RAB11FIP3: variants seen among roughly 807,000 people sequenced by gnomAD.
RAB11FIP3 encodes rab11 family-interacting protein 3.
RAB11FIP3 carries 17 observed loss-of-function variants against 77.8 expected under a neutral mutation model. The ratio of observed to expected loss-of-function variants is 0.22; its 90% CI spans 0.15 to 0.33. The LOEUF is 0.33. Ranked by LOEUF, RAB11FIP3 falls within the 10% of genes least tolerant of loss-of-function variation. The pLI, the probability that RAB11FIP3 is intolerant of heterozygous loss-of-function variation, is 1.00. For synonymous variants in RAB11FIP3, 437 were observed against 448.2 expected (o/e 0.98, Z 0.31); for missense variants, 1,005 against 1,011.2 (o/e 0.99, Z 0.08).
chr16:445,049 G>T lies in RAB11FIP3; in HGVS notation c.715-16355G>T, dbSNP rs1299815903. On this transcript the variant is annotated intron_variant, in intron 1 of 13. Coordinates refer to ENST00000262305, the MANE Select transcript of RAB11FIP3 (RefSeq NM_014700.4). ...GAATGGCGTGAACCCGGGAGGCAGA[G>T]CTTGCAGTGAGCCGAGATCTCACCA... is the stretch of plus-strand genomic sequence containing the variant. 2.8e-5 allele frequency among the ~76,000 whole-genome samples: 4 copies of T among 143,404 alleles called. No individual in the cohort carries two copies. The Middle Eastern group carries it at 0.015, about 539-fold the overall frequency. The allele number at this position is 143,404 out of a possible 152,430, so 94.1% of individuals were successfully genotyped here.
At position 493,845 on chromosome 16, in the gene RAB11FIP3, A is replaced by G. The variant is rs577298636; in HGVS notation, c.1266-2979A>G. Reference sequence around the variant, plus strand: ...CGGACCTCGTGATCCGCCCGCCTTGACCCCCCAAAGTGCTGGGATTACAGG... The same window carrying G: ...CGGACCTCGTGATCCGCCCGCCTTGGCCCCCCAAAGTGCTGGGATTACAGG... On this transcript the variant is annotated intron_variant, in intron 5 of 13. Coordinates refer to ENST00000262305, the MANE Select transcript of RAB11FIP3 (RefSeq NM_014700.4). Among the ~76,000 whole-genome samples, 161 of 136,886 alleles carry G rather than the reference A, an allele frequency of 1.2e-3. 4 individuals carry two copies. The East Asian group carries it at 0.013, about 11-fold the overall frequency. The allele number at this position is 136,886 out of a possible 152,430, so 89.8% of individuals were successfully genotyped here.
At chr16:440,673 A>G (rs2055210223) in intron 1 of RAB11FIP3, among the ~76,000 whole-genome samples, 2 of 152,246 alleles carry the variant, frequency 1.3e-5, no homozygotes, top group Admixed American at 1.3e-4. Flanking sequence ...TTCAAAATAC[A>G]CAGATGCTTT....
intron 3 of RAB11FIP3, among the ~76,000 whole-genome samples, chr16:478,562 T>C (rs192473968): frequency 4.6e-5 from 7 of 152,222 alleles, no homozygotes; most frequent in African/African-American, 1.7e-4. Context: ...CTGCAGCTTT[T>C]CTGAGATCTT....
chr16:455,001 G>A (rs1342174429), intron 1 of RAB11FIP3, among the ~76,000 whole-genome samples: 2 of 145,676 alleles, frequency 1.4e-5, no homozygotes, highest in African/African-American at 2.6e-5. Context: ...AGTGAGCCGA[G>A]ATTGCACTAC....
At chr16:460,375 G>A (rs1253188476) in intron 1 of RAB11FIP3, among the ~76,000 whole-genome samples, 1 of 152,002 alleles carries the variant, frequency 6.6e-6, no homozygotes, top group African/African-American at 2.4e-5. Context: ...TGTTACATAG[G>A]CAAACGTGTG....
chr16:431,759 A>ATT (rs765013817), intron 1 of RAB11FIP3, among the ~76,000 whole-genome samples: 6 of 139,310 alleles, frequency 4.3e-5, no homozygotes, highest in Non-Finnish European at 4.7e-5. Flanking sequence ...TAGAAGCTAA[A>ATT]TTTTTTTTTT....
chr16:440,721 G>T (rs2055211020), intron 1 of RAB11FIP3, among the ~76,000 whole-genome samples: 1 of 152,246 alleles, frequency 6.6e-6, no homozygotes, highest in Admixed American at 6.5e-5. Context: ...AAAATGCTGT[G>T]TGATGAATCT....
intron 1 of RAB11FIP3, among the ~76,000 whole-genome samples, chr16:459,122 A>T (rs2141641271): frequency 6.6e-6 from 1 of 151,192 alleles, no homozygotes; most frequent in African/African-American, 2.5e-5. Context: ...TCAGTGTTCA[A>T]ACTTTTTTTT....
intron 5 of RAB11FIP3, among the ~76,000 whole-genome samples, chr16:492,540 A>AGGGCCCTCCCGGGAGACCCGAG (rs2030655052): frequency 1.5e-5 from 2 of 137,798 alleles, no homozygotes; most frequent in Non-Finnish European, 1.5e-5. Flanking sequence ...GAGGCCGTCC[A>AGGGCCCTCCCGGGAGACCCGAG]GAATCTTGGA....
chr16:492,512 G>GCCGTCCAGA (rs2030631442), intron 5 of RAB11FIP3, among the ~76,000 whole-genome samples: 1 of 44,346 alleles, frequency 2.3e-5, no homozygotes, highest in African/African-American at 1.2e-4. Context: ...GGCCGCCCAG[G>GCCGTCCAGA]GCCCTCCCGG....
At chr16:462,220 ATCTC>A (rs956943754) in intron 2 of RAB11FIP3, among the ~76,000 whole-genome samples, 1 of 151,744 alleles carries the variant, frequency 6.6e-6, no homozygotes, top group Non-Finnish European at 1.5e-5. Context: ...AGTTTTGCCT[ATCTC>A]TCTTTTTTTT....
chr16:466,568 T>C (rs1415766565), intron 2 of RAB11FIP3, among the ~76,000 whole-genome samples: 3 of 152,224 alleles, frequency 2.0e-5, no homozygotes, highest in Non-Finnish European at 4.4e-5. Context: ...AGGAGCCCGA[T>C]GCTCTGTCTG....
chr16:510,404 G>T, intron 8 of RAB11FIP3: 1 of 460,616 alleles, frequency 2.2e-6, no homozygotes, highest in Non-Finnish European at 3.9e-6. Flanking sequence ...CAGTGCCTGT[G>T]GGTATCAGCT....
intron 9 of RAB11FIP3, among the ~76,000 whole-genome samples, chr16:516,079 G>A (rs968470145): frequency 8.5e-5 from 13 of 152,222 alleles, no homozygotes; most frequent in African/African-American, 2.4e-4. Flanking sequence ...TGCAGAGGCC[G>A]GCCGGTGCTC....
intron 1 of RAB11FIP3, among the ~76,000 whole-genome samples, chr16:458,026 C>G (rs1042106583): frequency 6.6e-6 from 1 of 152,234 alleles, no homozygotes; most frequent in Non-Finnish European, 1.5e-5. Context: ...AGGATTGGGG[C>G]GATGGCCCCG....
intron 1 of RAB11FIP3, among the ~76,000 whole-genome samples, chr16:453,161 A>G (rs553543510): frequency 1.4e-5 from 2 of 146,700 alleles, no homozygotes; most frequent in East Asian, 2.0e-4. Context: ...TGCAAGCTCC[A>G]CCTCCCGGGT....
At chr16:513,972 T>C (rs547606449) in intron 9 of RAB11FIP3, among the ~76,000 whole-genome samples, 2 of 152,334 alleles carry the variant, frequency 1.3e-5, no homozygotes, top group Non-Finnish European at 2.9e-5. Flanking sequence ...CATGGGACCT[T>C]TCCGCTGGGG....
At chr16:429,480 A>G (rs983163814) in intron 1 of RAB11FIP3, among the ~76,000 whole-genome samples, 1 of 151,912 alleles carries the variant, frequency 6.6e-6, no homozygotes, top group Non-Finnish European at 1.5e-5. Context: ...CCTTGATGAT[A>G]ACAACTAGAT....
chr16:465,831 C>T (rs1039398133), intron 2 of RAB11FIP3, among the ~76,000 whole-genome samples: 50 of 152,184 alleles, frequency 3.3e-4, no homozygotes, highest in African/African-American at 1.1e-3. Flanking sequence ...TCGTGAACTC[C>T]TGACCTCAGG....
Sources: gnomAD v4.1 joint callset for allele counts (sites outside exome capture counted in the v4.1 genomes callset) on GRCh38, gnomAD v4.1.1 for gene constraint, MANE v1.5 for transcripts, NCBI Gene and HGNC (gene_info 2026-07-23, HGNC 2026-07-21) for gene names.